RPS6KA2: variants seen among roughly 807,000 people sequenced by gnomAD.
RPS6KA2 encodes the protein ribosomal protein S6 kinase alpha-2.
Under a neutral mutation model 91.8 loss-of-function variants are expected in RPS6KA2, and 42 were observed. That is an observed-to-expected ratio of 0.46 (90% CI 0.36 to 0.59). RPS6KA2 has a LOEUF of 0.59. Among genes scored for constraint, RPS6KA2 ranks in the 20% least tolerant of loss-of-function variants. The pLI is 0.00. For missense variants in RPS6KA2, 798 were observed against 978.5 expected (o/e 0.82, Z 2.46); for synonymous variants, 414 against 393.6 (o/e 1.05, Z -0.61).
intron 2 of RPS6KA2, among the ~76,000 whole-genome samples, chr6:166,735,368 A>C (rs2128590480): frequency 6.6e-6 from 1 of 152,352 alleles, no homozygotes; most frequent in Admixed American, 6.5e-5. Flanking sequence ...AGCAGTCCCC[A>C]ATCTTTTTGG....
intron 16 of RPS6KA2, among the ~76,000 whole-genome samples, chr6:166,430,214 C>T (rs767181271): frequency 2.6e-5 from 4 of 151,810 alleles, no homozygotes; most frequent in African/African-American, 7.3e-5. Flanking sequence ...GTGATCTGCC[C>T]GCCTTGGCCT....
chr6:166,496,273 C>T (rs562611123), intron 8 of RPS6KA2, among the ~76,000 whole-genome samples: 284 of 151,702 alleles, frequency 1.9e-3, no homozygotes, highest in African/African-American at 6.4e-3. Flanking sequence ...TGGCTTGAAC[C>T]CAGGAGGCGG....
intron 12 of RPS6KA2, among the ~76,000 whole-genome samples, chr6:166,452,201 T>C (rs9347127): frequency 0.35 from 52,574 of 152,020 alleles, 9,202 homozygotes; most frequent in Admixed American, 0.44. Context: ...ATAACTGGCA[T>C]AATCTTCTGG....
chr6:166,806,897 G>T (rs1366104007), intron 2 of RPS6KA2, among the ~76,000 whole-genome samples: 1 of 152,148 alleles, frequency 6.6e-6, no homozygotes, highest in African/African-American at 2.4e-5. Context: ...TGCTGAAGAA[G>T]CAAAATTGTT....
intron 2 of RPS6KA2, among the ~76,000 whole-genome samples, chr6:166,661,683 T>C (rs74465093): frequency 0.01 from 1,577 of 152,304 alleles, 24 homozygotes; most frequent in African/African-American, 0.036. Context: ...ATATTAATAG[T>C]TTTCAATATT....
chr6:166,748,542 A>ATT (rs1791102553), intron 2 of RPS6KA2, among the ~76,000 whole-genome samples: 1 of 43,782 alleles, frequency 2.3e-5, no homozygotes, highest in Non-Finnish European at 4.7e-5. Flanking sequence ...CGGGCCCCCC[A>ATT]TCCCCTTGGG....
intron 2 of RPS6KA2, among the ~76,000 whole-genome samples, chr6:166,729,637 C>T (rs1000223361): frequency 6.6e-6 from 1 of 152,236 alleles, no homozygotes; most frequent in African/African-American, 2.4e-5. Context: ...CCACCACACT[C>T]ACCCTGAAAC....
intron 1 of RPS6KA2, among the ~76,000 whole-genome samples, chr6:166,601,696 A>T (rs1373662017): frequency 6.6e-6 from 1 of 152,244 alleles, no homozygotes; most frequent in Non-Finnish European, 1.5e-5. Flanking sequence ...TGGTTATCTT[A>T]TTTAAAAAGC....
intron 1 of RPS6KA2, among the ~76,000 whole-genome samples, chr6:166,624,312 A>G (rs1786751034): frequency 6.6e-6 from 1 of 152,246 alleles, no homozygotes; most frequent in African/African-American, 2.4e-5. Flanking sequence ...TCCTATTATA[A>G]AACAAGTTAT....
At chr6:166,622,761 T>C (rs1321923824) in intron 1 of RPS6KA2, among the ~76,000 whole-genome samples, 2 of 152,242 alleles carry the variant, frequency 1.3e-5, no homozygotes, top group East Asian at 3.8e-4. Flanking sequence ...TGATGATCTG[T>C]GACCACCAGA....
In RPS6KA2 at chr6:166,418,858, C is replaced by T. The variant is rs937023044; in HGVS notation, c.1821-516G>A. Among the ~76,000 whole-genome samples the T allele has an allele frequency of 2.0e-5, 3 of 152,260 alleles. No homozygotes were observed. Among genetic ancestry groups the T allele is most frequent in the Admixed American group, 6.5e-5 (1 of 15,288 alleles). On this transcript the variant is annotated intron_variant, in intron 18 of 20. Transcript: ENST00000265678. The surrounding 1 kb of genome is among the most constrained non-coding windows in gnomAD (Gnocchi z 4.9). The stretch of plus-strand genomic sequence containing the variant: ...CGCGTGGGAGGTGTTCATGGTGTCC[C>T]ACCTTAAAACACACCCACACACTCC...
intron 2 of RPS6KA2, among the ~76,000 whole-genome samples, chr6:166,811,908 C>A (rs1779647444): frequency 6.6e-6 from 1 of 152,232 alleles, no homozygotes. Context: ...TCTCCAGTGA[C>A]TCCAGAGCCA....
chr6:166,504,398 T>C (rs1782125189), intron 6 of RPS6KA2, 108 bp downstream of exon 6: 4 of 672,796 alleles, frequency 5.9e-6, no homozygotes, highest in African/African-American at 1.8e-5. Context: ...CTCTCTGATA[T>C]GTCCTCATTT....
chr6:166,729,688 C>T (rs745898345), intron 2 of RPS6KA2, among the ~76,000 whole-genome samples: 1 of 152,202 alleles, frequency 6.6e-6, no homozygotes, highest in Non-Finnish European at 1.5e-5. Context: ...TTTCCTCTAA[C>T]GTAACTTGAT....
intron 10 of RPS6KA2, among the ~76,000 whole-genome samples, chr6:166,488,552 G>T (rs1368034028): frequency 2.0e-5 from 3 of 152,256 alleles, no homozygotes; most frequent in African/African-American, 7.2e-5. Context: ...AGGGAAGTCA[G>T]ATTGGTTGAA....
intron 2 of RPS6KA2, among the ~76,000 whole-genome samples, chr6:166,816,503 C>T (rs187059926): frequency 6.6e-6 from 1 of 150,692 alleles, no homozygotes; most frequent in Admixed American, 6.6e-5. Flanking sequence ...TGTGGTGAGC[C>T]GAGATCACGC....
At chr6:166,674,648 G>A (rs1212019911) in intron 2 of RPS6KA2, among the ~76,000 whole-genome samples, 1 of 152,180 alleles carries the variant, frequency 6.6e-6, no homozygotes, top group Non-Finnish European at 1.5e-5. Flanking sequence ...CCAGAAATAA[G>A]CATCATGATG....
intron 1 of RPS6KA2, among the ~76,000 whole-genome samples, chr6:166,859,601 C>G (rs569463191): frequency 6.6e-6 from 1 of 152,188 alleles, no homozygotes; most frequent in Non-Finnish European, 1.5e-5. Flanking sequence ...CTCAGAACAA[C>G]ACAGAGAACC....
Position 166,412,962 on chromosome 6 carries a change from G to A in RPS6KA2, c.2077-75C>T, listed in dbSNP as rs1359947072. The A allele has an allele frequency of 1.7e-5, 24 of 1,426,914 alleles. No homozygotes were observed. Among genetic ancestry groups the A allele is most frequent in the Non-Finnish European group, 2.1e-5 (23 of 1,075,528 alleles). The allele number at this position is 1,426,914 out of a possible 1,614,324, so 88.4% of individuals were successfully genotyped here. A position where few individuals can be genotyped will look rare whatever the true frequency, so the allele number is the denominator to read the frequency against. ...TTGAGCCGGAGCCCGGGGCCTCCAT[G>A]GGCCTCAGCTGCCCCCAGGCAACGT... is the stretch of plus-strand genomic sequence containing the variant. On this transcript the variant is annotated intron_variant, in intron 20 of 20. Transcript: ENST00000265678. The surrounding 1 kb of genome is among the most constrained non-coding windows in gnomAD (Gnocchi z 4.3).
Sources: allele counts gnomAD v4.1 joint callset (sites outside exome capture counted in the v4.1 genomes callset), GRCh38; gene constraint gnomAD v4.1.1; non-coding constraint Gnocchi (gnomAD v3.1); transcripts MANE v1.5; gene names NCBI Gene and HGNC (gene_info 2026-07-23, HGNC 2026-07-21).